RBFOX1: variants seen among roughly 807,000 people sequenced by gnomAD.
The protein encoded by RBFOX1 is RNA binding fox-1 homolog 1.
RBFOX1 carries 8 observed loss-of-function variants against 57.7 expected under a neutral mutation model. The ratio of observed to expected loss-of-function variants is 0.14; its 90% CI spans 0.08 to 0.25. The LOEUF (loss-of-function observed/expected upper bound fraction) is 0.25, where lower values mean the gene tolerates loss of function less well. RBFOX1 is among the 10% of genes least tolerant of loss of function. RBFOX1 has a pLI of 1.00. For missense variants in RBFOX1, 611 were observed against 548.5 expected, an observed-to-expected ratio of 1.11 and a Z score of -1.14; for synonymous variants, 326 against 222.4, an observed-to-expected ratio of 1.47 and a Z score of -4.15.
intron 2 of RBFOX1, among the ~76,000 whole-genome samples, chr16:6,654,342 C>A (rs1440173166): frequency 6.6e-6 from 1 of 152,282 alleles, no homozygotes; most frequent in East Asian, 1.9e-4. Context: ...TTGCTGTGAC[C>A]TCTGATCCAT....
chr16:5,286,398 C>G lies in RBFOX1; in HGVS notation c.219+46293C>G, dbSNP rs369842029. ...CTCGTGGTGGGTAAGCTGGCGTTTCCTCAGGCCTCTCAGTAGTAAGTGTGA... is the reference window on the plus strand; with the variant it reads ...CTCGTGGTGGGTAAGCTGGCGTTTCGTCAGGCCTCTCAGTAGTAAGTGTGA... On this transcript the variant is annotated intron_variant, in intron 1 of 2. Transcript: ENST00000585867. Among the ~76,000 whole-genome samples the G allele has an allele frequency of 8.1e-4, 123 of 152,238 alleles. 2 individuals carry two copies. The East Asian group carries it at 0.022, about 27-fold the overall frequency.
At chr16:5,619,597 G>T (rs12933988) in intron 3 of RBFOX1, among the ~76,000 whole-genome samples, 14,527 of 152,254 alleles carry the variant, frequency 0.095, 1,300 homozygotes, top group East Asian at 0.42. Context: ...TCAGCTGTGA[G>T]TGACCCTTGG....
intron 4 of RBFOX1, among the ~76,000 whole-genome samples, chr16:7,433,095 AGTTGGG>A (rs1359929747): frequency 3.3e-5 from 5 of 152,214 alleles, no homozygotes; most frequent in Non-Finnish European, 7.3e-5. Context: ...GAAGTGGGAT[AGTTGGG>A]GTTGGTGTGC....
chr16:6,519,127 C>G (rs2096450857), intron 2 of RBFOX1, among the ~76,000 whole-genome samples: 2 of 151,860 alleles, frequency 1.3e-5, no homozygotes, highest in South Asian at 2.1e-4. Flanking sequence ...GCTTGACTTG[C>G]CAAGCCAGCC....
chr16:6,526,434 C>G (rs1037135764), intron 2 of RBFOX1, among the ~76,000 whole-genome samples: 7 of 152,160 alleles, frequency 4.6e-5, no homozygotes, highest in African/African-American at 1.7e-4. Context: ...ACCAGTCACA[C>G]TACATTGCTG....
At chr16:7,097,661 C>T (rs919378300) in intron 4 of RBFOX1, among the ~76,000 whole-genome samples, 1 of 152,160 alleles carries the variant, frequency 6.6e-6, no homozygotes, top group African/African-American at 2.4e-5. Flanking sequence ...GGCCTCTCTG[C>T]ATCTGGTTTT....
chr16:6,876,089 C>G (rs1232158958), intron 3 of RBFOX1, among the ~76,000 whole-genome samples: 1 of 151,810 alleles, frequency 6.6e-6, no homozygotes, highest in South Asian at 2.1e-4. Context: ...AGGAGGGTCA[C>G]TTGATCCAGA....
At chr16:5,759,599 G>T (rs113351716) in intron 3 of RBFOX1, among the ~76,000 whole-genome samples, 1 of 152,088 alleles carries the variant, frequency 6.6e-6, no homozygotes, top group African/African-American at 2.4e-5. Flanking sequence ...TCCTTTTGCC[G>T]CCAGTGCCAG....
chr16:6,648,977 C>G (rs1376477353), intron 2 of RBFOX1, among the ~76,000 whole-genome samples: 1 of 152,108 alleles, frequency 6.6e-6, no homozygotes, highest in Non-Finnish European at 1.5e-5. Flanking sequence ...CACATAACAT[C>G]TACTTTCTTA....
At chr16:6,793,193 A>T (rs916456941) in intron 3 of RBFOX1, among the ~76,000 whole-genome samples, 2 of 152,212 alleles carry the variant, frequency 1.3e-5, no homozygotes, top group African/African-American at 4.8e-5. Context: ...CTGTTGATCA[A>T]ACAGTATAAT....
chr16:7,555,232 A>G (rs2087959187), intron 5 of RBFOX1, among the ~76,000 whole-genome samples: 1 of 152,190 alleles, frequency 6.6e-6, no homozygotes, highest in Non-Finnish European at 1.5e-5. Flanking sequence ...CTCCTTTGTT[A>G]AAAGCCTTCT....
At chr16:7,697,506 GATAT>G (rs1366168965) in intron 14 of RBFOX1, among the ~76,000 whole-genome samples, 2 of 91,662 alleles carry the variant, frequency 2.2e-5, no homozygotes, top group East Asian at 5.2e-4. Flanking sequence ...GTGCTAGTAT[GATAT>G]ACATACATGC....
intron 4 of RBFOX1, among the ~76,000 whole-genome samples, chr16:7,070,648 C>T (rs1190191121): frequency 6.6e-6 from 1 of 152,132 alleles, no homozygotes; most frequent in Non-Finnish European, 1.5e-5. Flanking sequence ...TGTTCTAATG[C>T]AGAGCCATCT....
chr16:6,985,249 T>C lies in RBFOX1; in HGVS notation c.-15-66808T>C, dbSNP rs918319142. Among the ~76,000 whole-genome samples the C allele has an allele frequency of 2.6e-5, 4 of 151,286 alleles. No homozygotes were observed. In the East Asian group the frequency reaches 7.8e-4, roughly 29 times the overall value. On this transcript the variant is annotated intron_variant, in intron 3 of 15. Coordinates refer to ENST00000550418, the MANE Select transcript of RBFOX1 (RefSeq NM_018723.4). Reference sequence around the variant, plus strand: ...GGCCTCTTGTCTTTTCTGGGCTACATGCCACATATTGGTAGGGAATATATC... The same window carrying C: ...GGCCTCTTGTCTTTTCTGGGCTACACGCCACATATTGGTAGGGAATATATC...
rs2084216394 is a variant in RBFOX1, at chr16:7,712,982, T to C, written c.*2237T>C. On this transcript the variant is annotated 3_prime_UTR_variant, in exon 16 of 16. Transcript: ENST00000550418. ...TGTATGTAGTTTTAATAAAATCATT[T>C]AGAGTGAGTGAGTGCCAACCGATGT... 6.6e-6 allele frequency: 1 copy of C among 152,236 alleles called. No individual in the cohort carries two copies. Among genetic ancestry groups the C allele is most frequent in the South Asian group, 2.1e-4 (1 of 4,834 alleles). 9.4% of individuals were successfully genotyped at this position (152,236 alleles called of 1,614,324 possible). A position where few individuals can be genotyped will look rare whatever the true frequency, so the allele number is the denominator to read the frequency against.
intron 4 of RBFOX1, among the ~76,000 whole-genome samples, chr16:7,373,872 G>C (rs1273030631): frequency 2.0e-5 from 3 of 152,188 alleles, no homozygotes; most frequent in Non-Finnish European, 2.9e-5. Context: ...GTGAGAGAGA[G>C]TTTAGGTACA....
chr16:7,425,542 G>A (rs1159636089), intron 4 of RBFOX1, among the ~76,000 whole-genome samples: 4 of 152,082 alleles, frequency 2.6e-5, no homozygotes, highest in Non-Finnish European at 5.9e-5. Flanking sequence ...TATTTCTGGC[G>A]GTCTCTTTTG....
chr16:7,073,467 C>G (rs550453097), intron 4 of RBFOX1, among the ~76,000 whole-genome samples: 2 of 152,212 alleles, frequency 1.3e-5, no homozygotes, highest in South Asian at 4.1e-4. Context: ...TAAAGAAAGA[C>G]GATATAATTC....
chr16:5,911,427 G>C (rs1377456306), intron 4 of RBFOX1, among the ~76,000 whole-genome samples: 2 of 152,022 alleles, frequency 1.3e-5, no homozygotes, highest in East Asian at 3.9e-4. Context: ...ACTTCCCTGG[G>C]GGCACCATCC....
Sources: gnomAD v4.1 joint callset for allele counts (sites outside exome capture counted in the v4.1 genomes callset) on GRCh38, gnomAD v4.1.1 for gene constraint, MANE v1.5 for transcripts, NCBI Gene and HGNC (gene_info 2026-07-23, HGNC 2026-07-21) for gene names.